Variants in PAX5 observed in about 807,000 individuals in gnomAD.
PAX5 encodes paired box 5.
A neutral mutation model predicts 43.7 loss-of-function variants in PAX5; 9 were observed. That is an observed-to-expected ratio of 0.21 (90% CI 0.12 to 0.36). The LOEUF (loss-of-function observed/expected upper bound fraction) is 0.36. Ranked by LOEUF, PAX5 falls within the 10% of genes least tolerant of loss-of-function variation. The pLI is 1.00. For synonymous variants in PAX5, 228 were observed against 214.3 expected (o/e 1.06, Z -0.56); for missense variants, 383 against 532.7 (o/e 0.72, Z 2.77).
intron 6 of PAX5, among the ~76,000 whole-genome samples, chr9:36,932,147 C>T (rs2132017326): frequency 6.6e-6 from 1 of 152,176 alleles, no homozygotes; most frequent in East Asian, 1.9e-4. Context: ...TAGTGGCATG[C>T]CTGTAGTCCC....
chr9:36,930,988 GGAGGGCAGCACAAAA>G (rs1348677154), intron 6 of PAX5: 2 of 564,776 alleles, frequency 3.5e-6, no homozygotes, highest in Middle Eastern at 3.5e-4. Context: ...CACGTGAGAA[GGAGGGCAGCACAAAA>G]GAGGGCAGCG....
intron 6 of PAX5, among the ~76,000 whole-genome samples, chr9:36,924,438 G>A (rs796663868): frequency 6.6e-6 from 1 of 152,066 alleles, no homozygotes. Context: ...AAATATATGC[G>A]GCTGGGTGCA....
intron 7 of PAX5, among the ~76,000 whole-genome samples, chr9:36,883,586 G>A (rs567422556): frequency 3.9e-5 from 6 of 152,168 alleles, no homozygotes; most frequent in South Asian, 2.1e-4. Context: ...CAGGAGAATC[G>A]CTTGAACCTA....
intron 3 of PAX5, among the ~76,000 whole-genome samples, chr9:37,013,153 C>G (rs1285366131): frequency 6.6e-6 from 1 of 152,164 alleles, no homozygotes; most frequent in Non-Finnish European, 1.5e-5. Flanking sequence ...TACATCTACA[C>G]AAGCCCCAGC....
Position 36,901,452 on chromosome 9 carries a change from T to G in PAX5, c.911-19347A>C, listed in dbSNP as rs145621406. Among the ~76,000 whole-genome samples the G allele has an allele frequency of 1.8e-4, 28 of 152,180 alleles. No individual in the cohort carries two copies. In the East Asian group the frequency reaches 5.0e-3, roughly 27 times the overall value. ...CATGCCTCTCCTTATCATTTCACCT[T>G]TTAAAAACATTTACTGAGCACTTTT... On this transcript the variant is annotated intron_variant, in intron 7 of 9. Transcript: ENST00000358127.
At chr9:36,991,122 A>C (rs1175112282) in intron 5 of PAX5, among the ~76,000 whole-genome samples, 1 of 152,166 alleles carries the variant, frequency 6.6e-6, no homozygotes. Flanking sequence ...AAAAAAAAAA[A>C]AAAAAATTCC....
intron 7 of PAX5, among the ~76,000 whole-genome samples, chr9:36,902,510 C>T (rs1204143976): frequency 6.6e-6 from 1 of 152,168 alleles, no homozygotes; most frequent in East Asian, 1.9e-4. Flanking sequence ...AGAGCCTGTC[C>T]CTGCTGGAAG....
At chr9:36,953,319 T>C (rs1245877960) in intron 6 of PAX5, among the ~76,000 whole-genome samples, 2 of 152,224 alleles carry the variant, frequency 1.3e-5, no homozygotes, top group Non-Finnish European at 2.9e-5. Context: ...ATGCCTAATG[T>C]AGATATTTTG....
At chr9:36,947,025 C>T (rs1288747980) in intron 6 of PAX5, among the ~76,000 whole-genome samples, 1 of 152,226 alleles carries the variant, frequency 6.6e-6, no homozygotes, top group Non-Finnish European at 1.5e-5. Context: ...CCCCAGGGCA[C>T]ATATATCACA....
chr9:36,892,277 G>A (rs4880031), intron 7 of PAX5, among the ~76,000 whole-genome samples: 152,055 of 152,338 alleles, frequency 1, 75,886 homozygotes, highest in East Asian at 1. Context: ...TTATTCATTC[G>A]TTCACTCATT....
intron 5 of PAX5, among the ~76,000 whole-genome samples, chr9:36,988,662 C>CAAAAAAAAAAAAAAA (rs139552622): frequency 9.7e-6 from 1 of 103,510 alleles, no homozygotes; most frequent in African/African-American, 4.0e-5. Context: ...GACCCTGTCT[C>CAAAAAAAAAAAAAAA]AAAAAAAAAA....
At chr9:36,900,676 C>T (rs1248593452) in intron 7 of PAX5, among the ~76,000 whole-genome samples, 1 of 152,152 alleles carries the variant, frequency 6.6e-6, no homozygotes, top group Non-Finnish European at 1.5e-5. Context: ...TCCTCAGCCA[C>T]CCTGGTTTCC....
chr9:36,840,679 C>A (rs1398563965), intron 9 of PAX5, 43 bp from the exon 10 acceptor site: 51 of 1,285,298 alleles, frequency 4.0e-5, no homozygotes, highest in Non-Finnish European at 5.3e-5. Flanking sequence ...ATCCGGGGTC[C>A]CCTTTCCACC....
chr9:36,919,093 A>T (rs1198823020), intron 7 of PAX5, among the ~76,000 whole-genome samples: 1 of 152,220 alleles, frequency 6.6e-6, no homozygotes, highest in Non-Finnish European at 1.5e-5. Context: ...AGTTAAAGCC[A>T]ATGCTCCTAT....
chr9:36,886,101 C>A (rs769753008), intron 7 of PAX5, among the ~76,000 whole-genome samples: 8 of 152,046 alleles, frequency 5.3e-5, no homozygotes, highest in Admixed American at 1.3e-4. Flanking sequence ...GGAGAGGGGG[C>A]ACATGTGGAG....
intron 6 of PAX5, among the ~76,000 whole-genome samples, 195 bp from the exon 7 acceptor site, chr9:36,923,679 A>G (rs1563971726): frequency 1.3e-5 from 2 of 152,182 alleles, no homozygotes; most frequent in Non-Finnish European, 2.9e-5. Flanking sequence ...GTCCAGAATC[A>G]ACAATTCTTC....
intron 8 of PAX5, among the ~76,000 whole-genome samples, chr9:36,858,218 C>T (rs778811974): frequency 6.6e-6 from 1 of 152,242 alleles, no homozygotes; most frequent in Non-Finnish European, 1.5e-5. Context: ...CAATCCTTGG[C>T]ACACAGCACA....
intron 8 of PAX5, among the ~76,000 whole-genome samples, chr9:36,875,902 G>A (rs914665246): frequency 6.6e-5 from 10 of 152,354 alleles, no homozygotes; most frequent in African/African-American, 2.2e-4. Flanking sequence ...TCAGCCCAGT[G>A]AGACCTACTT....
intron 6 of PAX5, among the ~76,000 whole-genome samples, chr9:36,957,871 AG>A (rs1778006056): frequency 6.6e-6 from 1 of 152,068 alleles, no homozygotes; most frequent in African/African-American, 2.4e-5. Context: ...ATTCTCATCA[AG>A]AGTTGAGCTG....
Sources: gnomAD v4.1 joint callset for allele counts (sites outside exome capture counted in the v4.1 genomes callset) on GRCh38, gnomAD v4.1.1 for gene constraint, MANE v1.5 for transcripts, NCBI Gene and HGNC (gene_info 2026-07-23, HGNC 2026-07-21) for gene names.